Variants in MUC17 observed in about 807,000 individuals in gnomAD.
The protein encoded by MUC17 is mucin-17.
A neutral mutation model predicts 170.3 loss-of-function variants in MUC17; 190 were observed. The ratio of observed to expected loss-of-function variants is 1.12; its 90% CI spans 0.99 to 1.26. The LOEUF is 1.26. Ranked by LOEUF, MUC17 falls within the 50% of genes most tolerant of loss-of-function variation. The pLI, the probability that MUC17 is intolerant of heterozygous loss-of-function variation, is 0.00. For missense variants in MUC17, 6,415 were observed against 5,530.0 expected, an observed-to-expected ratio of 1.16 and a Z score of -5.08; for synonymous variants, 2,325 against 2,002.5, an observed-to-expected ratio of 1.16 and a Z score of -4.30.
In MUC17 at chr7:101,041,859, T is replaced by A. The variant is rs770138221; in HGVS notation, c.10443T>A (p.Thr3481=). The A allele has an allele frequency of 1.1e-4, 185 of 1,613,844 alleles. 4 individuals carry two copies. The Admixed American group carries it at 3.1e-3, about 27-fold the overall frequency. The change falls in exon 3 of 13, where the codon ACT becomes ACA. Residue 3481 remains threonine (T), a synonymous_variant. Coordinates refer to ENST00000306151, the MANE Select transcript of MUC17 (RefSeq NM_001040105.2). The stretch of plus-strand genomic sequence containing the variant: ...CTGAGGCTAGCACCCTTTCAACAAC[T>A]CCTGTTGACACCAGCACACCTGTGA... ...ASSEASTLST[T]PVDTSTPVTT... is the part of the protein sequence containing the mutation.
chr7:101,038,120 C>G lies in MUC17; in HGVS notation c.6704C>G (p.Ser2235Cys), dbSNP rs551944763. Residue 2235 changes from serine (S) to cysteine (C), a missense_variant, in exon 3 of 13, where the codon TCT (serine) becomes TGT (cysteine). Ser to Cys is a moderately radical substitution (Grantham distance 112). Transcript: ENST00000306151. ...GTCAGCACCATGCCGGTAGTTACTT[C>G]TGAGGCTAGCACCCTTTCAGCAACT... ...MPVSTMPVVT[S>C]EASTLSATPV... The G allele has an allele frequency of 1.9e-6, 3 of 1,588,350 alleles. No homozygotes were observed. The highest frequency in any genetic ancestry group is 4.7e-5 in the East Asian group (2 of 42,356).
chr7:101,040,409 C>T lies in MUC17; in HGVS notation c.8993C>T (p.Pro2998Leu), dbSNP rs142796970. The T allele has an allele frequency of 1.7e-4, 272 of 1,611,200 alleles. 9 individuals carry two copies. In the Admixed American group the frequency reaches 2.6e-3, roughly 15 times the overall value. Residue 2998 changes from proline (P) to leucine (L), a missense_variant, in exon 3 of 13, where the codon CCG becomes CTG. Pro to Leu is a moderately conservative substitution (Grantham distance 98). Coordinates refer to ENST00000306151, the MANE Select transcript of MUC17 (RefSeq NM_001040105.2). ...ACAAGTATGTCTGTCAGCACCATGC[C>T]GGTGGCCAGTTCTGAGGCTAGCACC... The part of the protein sequence containing the change: ...PLTSMSVSTM[P>L]VASSEASTLS...
chr7:101,047,346 C>G (rs1055438668), intron 3 of MUC17, among the ~76,000 whole-genome samples: 2 of 152,204 alleles, frequency 1.3e-5, no homozygotes, highest in African/African-American at 2.4e-5. Context: ...CTCACAATAC[C>G]AGGTTTCTCT....
rs1794746314 is a variant in MUC17 at position 101,042,550 on chromosome 7, A to G, written c.11134A>G (p.Ser3712Gly). 3 of 1,614,006 alleles carry G rather than the reference A, an allele frequency of 1.9e-6. No homozygotes were observed. Among genetic ancestry groups the G allele is most frequent in the Non-Finnish European group, 2.5e-6 (3 of 1,179,990 alleles). ...CACACGTGTGACCAGCTCTGAGGGT[A>G]GCACCCTTTCAACACCTTCTGTTGT... Reference protein sequence around the residue: ...STTRVTSSEGSTLSTPSVVTS... With the variant: ...STTRVTSSEGGTLSTPSVVTS... Residue 3712 changes from serine (S) to glycine (G), a missense_variant, in exon 3 of 13, where the codon AGC becomes GGC. Ser to Gly is a moderately conservative substitution (Grantham distance 56). Transcript: ENST00000306151.
rs368858885 is a variant in MUC17, at chr7:101,040,811, C to T, written c.9395C>T (p.Thr3132Ile). 2.5e-6 allele frequency: 4 copies of T among 1,613,588 alleles called. No homozygotes were observed. In the African/African-American group the frequency reaches 5.3e-5, roughly 22 times the overall value. ...ACCCTTTCAACAACTCCTGTTGACACCAGCACACCTGTGACCACTTCTACT... is the reference window on the plus strand; with the variant it reads ...ACCCTTTCAACAACTCCTGTTGACATCAGCACACCTGTGACCACTTCTACT... ...ISTLSTTPVDTSTPVTTSTEA... is the reference protein window; with the variant it reads ...ISTLSTTPVDISTPVTTSTEA... The change falls in exon 3 of 13, where the codon ACC becomes ATC. Residue 3132 changes from threonine (T) to isoleucine (I), a missense_variant. Transcript: ENST00000306151.
At chr7:101,051,472 T>C in intron 7 of MUC17, 141 bp from the exon 8 acceptor site, 1 of 693,042 alleles carries the variant, frequency 1.4e-6, no homozygotes, top group Non-Finnish European at 2.4e-6. Context: ...GACGCGAGGC[T>C]GATGCTGCCC....
rs148987719 is a variant in MUC17, at chr7:101,037,065, A to C, written c.5649A>C (p.Glu1883Asp). 640 of 1,581,648 alleles carry C rather than the reference A, an allele frequency of 4.0e-4. 11 individuals are homozygous for C. In the South Asian group the frequency reaches 4.4e-3, roughly 11 times the overall value. The change falls in exon 3 of 13, where the codon GAA (glutamate) becomes GAC (aspartate). Residue 1883 changes from glutamate (E) to aspartate (D), a missense_variant. Physicochemically the swap from Glu to Asp is conservative, Grantham distance 45 (BLOSUM62 2). Coordinates refer to ENST00000306151, the MANE Select transcript of MUC17 (RefSeq NM_001040105.2). ...GCACCACAACAGTGGCCAGTTCTGA[A>C]ACCAACACCCTTTCAACAACTCCCG... The part of the protein sequence containing the change: ...PVSTTTVASS[E>D]TNTLSTTPAV...
At chr7:101,046,760 A>T (rs931531971) in intron 3 of MUC17, among the ~76,000 whole-genome samples, 2 of 152,076 alleles carry the variant, frequency 1.3e-5, no homozygotes, top group Non-Finnish European at 2.9e-5. Flanking sequence ...CCTGAACGAG[A>T]TGGTGAGACT....
Position 101,050,605 on chromosome 7 carries a change from C to G in MUC17, c.12844C>G (p.Gln4282Glu), listed in dbSNP as rs778500130. 49 of 1,613,980 alleles carry G rather than the reference C, an allele frequency of 3.0e-5. 1 individual carries two copies. The South Asian group carries it at 5.2e-4, about 17-fold the overall frequency. Residue 4282 changes from glutamine to glutamate, a missense_variant, in exon 7 of 13, where the codon CAG becomes GAG. Transcript: ENST00000306151. Reference protein sequence around the residue: ...VKEKITKVTTQQIMINDICSD... With the variant: ...VKEKITKVTTEQIMINDICSD... Reference sequence around the variant, plus strand: ...AGAGAAAATCACAAAAGTGACCACACAGCAAATAATGATTAATGATATTTG... The same window carrying G: ...AGAGAAAATCACAAAAGTGACCACAGAGCAAATAATGATTAATGATATTTG...
chr7:101,034,695 C>T lies in MUC17; in HGVS notation c.3279C>T (p.Thr1093=), dbSNP rs1584861606. 6.2e-7 allele frequency: 1 copy of T among 1,606,912 alleles called. No homozygotes were observed. The highest frequency in any genetic ancestry group is 8.5e-7 in the Non-Finnish European group (1 of 1,175,802). ...STTADGTSMP[T]STYSEGSTPL... ...CTGCTGACGGTACCAGCATGCCAAC[C>T]TCAACTTATAGTGAAGGAAGCACTC... Residue 1093 remains threonine (T), a synonymous_variant, in exon 3 of 13, where the codon ACC becomes ACT. Transcript: ENST00000306151.
rs184144086 is a variant in MUC17 at position 101,038,522 on chromosome 7, T to G, written c.7106T>G (p.Val2369Gly). The change falls in exon 3 of 13, where the codon GTG (valine) becomes GGG (glycine). Residue 2369 changes from valine to glycine, a missense_variant. Val to Gly is a moderately radical substitution (Grantham distance 109). Transcript: ENST00000306151. The stretch of plus-strand genomic sequence containing the variant: ...ACTCCTGCTGACACCAGCACACCTG[T>G]GACTACTTATTCTCAAGCCGGTTCA... ...STTPADTSTP[V>G]TTYSQAGSSP... is the part of the protein sequence containing the mutation. 406 of 1,613,768 alleles carry G rather than the reference T, an allele frequency of 2.5e-4. No individual in the cohort carries two copies. Among genetic ancestry groups the G allele is most frequent in the Non-Finnish European group, 3.3e-4 (384 of 1,179,738 alleles).
chr7:101,039,546 C>A lies in MUC17; in HGVS notation c.8130C>A (p.Ser2710Arg), dbSNP rs1794615295. Reference sequence around the variant, plus strand: ...CGCTGTTGGCCAATTCTGAGGCTAGCACCCTTTCAACAACTCCTGTTGACA... The same window carrying A: ...CGCTGTTGGCCAATTCTGAGGCTAGAACCCTTTCAACAACTCCTGTTGACA... ...STTLLANSEA[S>R]TLSTTPVDTS... is the part of the protein sequence containing the mutation. Residue 2710 changes from serine (S) to arginine (R), a missense_variant, in exon 3 of 13, where the codon AGC becomes AGA. By Grantham distance (110) the Ser-to-Arg change is moderately radical. Transcript: ENST00000306151. The A allele has an allele frequency of 1.9e-6, 3 of 1,612,346 alleles. No individual in the cohort carries two copies. The highest frequency in any genetic ancestry group is 4.5e-5 in the East Asian group (2 of 44,876).
At position 101,020,197 on chromosome 7, in the gene MUC17, C is replaced by G. The variant is rs745526150; in HGVS notation, c.62C>G (p.Pro21Arg). 5.6e-6 allele frequency: 9 copies of G among 1,609,890 alleles called. No individual in the cohort carries two copies. In the East Asian group the frequency reaches 1.8e-4, roughly 32 times the overall value. ...LLTLVLSLLPPQAAAEQDLSV... is the reference protein window; with the variant it reads ...LLTLVLSLLPRQAAAEQDLSV... The stretch of plus-strand genomic sequence containing the variant: ...ACCTTGGTCCTCTCGCTCTTGCCCC[C>G]ACAAGCTGCTGCAGAACAGGGTGAG... Residue 21 changes from proline (P) to arginine (R), a missense_variant, in exon 1 of 13, where the codon CCA (proline) becomes CGA (arginine). Transcript: ENST00000306151.
intron 1 of MUC17, among the ~76,000 whole-genome samples, chr7:101,024,280 A>G (rs1245420691): frequency 6.6e-6 from 1 of 151,930 alleles, no homozygotes; most frequent in Non-Finnish European, 1.5e-5. Flanking sequence ...CAAGCCTGTA[A>G]TCTCAGCCCC....
rs377164003 is a variant in MUC17 at position 101,037,160 on chromosome 7, G to A, written c.5744G>A (p.Ser1915Asn). Residue 1915 changes from serine to asparagine, a missense_variant, in exon 3 of 13, where the codon AGC becomes AAC. Coordinates refer to ENST00000306151, the MANE Select transcript of MUC17 (RefSeq NM_001040105.2). ...TCTCCTACAACTGCTGACGGTAGCA[G>A]CATGCCAACCTCAACTCCTAGGGAA... is the stretch of plus-strand genomic sequence containing the variant. ...SSSPTTADGS[S>N]MPTSTPREGR... 23 of 1,612,498 alleles carry A rather than the reference G, an allele frequency of 1.4e-5. No homozygotes were observed. The highest frequency in any genetic ancestry group is 1.9e-5 in the Non-Finnish European group (23 of 1,179,738).
chr7:101,048,345 GTAC>G, intron 4 of MUC17: 1 of 312,166 alleles, frequency 3.2e-6, no homozygotes, highest in Non-Finnish European at 5.6e-6. Context: ...TGTAATTCCA[GTAC>G]TTTGGGAGCC....
In MUC17 at chr7:101,041,885, C is replaced by T. The variant is rs377535727; in HGVS notation, c.10469C>T (p.Thr3490Ile). 70 of 1,613,722 alleles carry T rather than the reference C, an allele frequency of 4.3e-5. No individual in the cohort carries two copies. The highest frequency in any genetic ancestry group is 5.8e-5 in the Non-Finnish European group (68 of 1,179,936). Residue 3490 changes from threonine to isoleucine, a missense_variant, in exon 3 of 13, where the codon ACC (threonine) becomes ATC (isoleucine). Physicochemically the swap from Thr to Ile is moderately conservative, Grantham distance 89 (BLOSUM62 -1). Coordinates refer to ENST00000306151, the MANE Select transcript of MUC17 (RefSeq NM_001040105.2). ...TTPVDTSTPV[T>I]TSSPTNSSPT... ...CCTGTTGACACCAGCACACCTGTGA[C>T]CACTTCTTCTCCAACCAATTCATCT...
chr7:101,036,662 C>T lies in MUC17; in HGVS notation c.5246C>T (p.Thr1749Ile), dbSNP rs1252251619. Residue 1749 changes from threonine (T) to isoleucine (I), a missense_variant, in exon 3 of 13, where the codon ACT becomes ATT. Physicochemically the swap from Thr to Ile is moderately conservative, Grantham distance 89. Coordinates refer to ENST00000306151, the MANE Select transcript of MUC17 (RefSeq NM_001040105.2). Reference protein sequence around the residue: ...MPNSTPSEGTTPLTSIPVSTT... With the variant: ...MPNSTPSEGTIPLTSIPVSTT... ...AACTCAACTCCTAGTGAAGGAACCA[C>T]TCCATTAACAAGTATACCTGTCAGC... 6 of 1,613,170 alleles carry T rather than the reference C, an allele frequency of 3.7e-6. No homozygotes were observed. Among genetic ancestry groups the T allele is most frequent in the Non-Finnish European group, 5.1e-6 (6 of 1,179,792 alleles).
chr7:101,050,553 A>G lies in MUC17; in HGVS notation c.12792A>G (p.Val4264=). The G allele has an allele frequency of 1.2e-6, 2 of 1,614,230 alleles. No homozygotes were observed. Among genetic ancestry groups the G allele is most frequent in the Non-Finnish European group, 8.5e-7 (1 of 1,180,034 alleles). ...RTKYTPEYKT[V]LDNATEVVKE... Reference sequence around the variant, plus strand: ...AGTACACACCAGAATACAAGACAGTATTGGACAATGCCACCGAAGTAGTGA... The same window carrying G: ...AGTACACACCAGAATACAAGACAGTGTTGGACAATGCCACCGAAGTAGTGA... The change falls in exon 7 of 13, where the codon GTA becomes GTG. Residue 4264 remains valine (V), a synonymous_variant. Transcript: ENST00000306151.
Sources: allele counts gnomAD v4.1 joint callset (sites outside exome capture counted in the v4.1 genomes callset), GRCh38; gene constraint gnomAD v4.1.1; transcripts MANE v1.5; gene names NCBI Gene and HGNC (gene_info 2026-07-23, HGNC 2026-07-21).